Variants in CHD6 observed in about 807,000 individuals in gnomAD.
CHD6 encodes chromodomain helicase DNA binding protein 6, also known as ATP-dependent chromatin remodeler CHD6.
CHD6 carries 50 observed loss-of-function variants against 276.9 expected under a neutral mutation model. That is an observed-to-expected ratio of 0.18 (90% CI 0.14 to 0.23). The LOEUF (loss-of-function observed/expected upper bound fraction) is 0.23, where lower values mean the gene tolerates loss of function less well. CHD6 is among the 10% of genes least tolerant of loss of function. CHD6 has a pLI of 1.00. For synonymous variants in CHD6, 1,173 were observed against 1,229.3 expected (o/e 0.95, Z 0.96); for missense variants, 2,564 against 3,365.8 (o/e 0.76, Z 5.89).
intron 3 of CHD6, among the ~76,000 whole-genome samples, chr20:41,529,114 G>A (rs1020162733): frequency 6.6e-6 from 1 of 152,156 alleles, no homozygotes; most frequent in African/African-American, 2.4e-5. Context: ...CAACAATGGT[G>A]CTCACTAGTT....
At chr20:41,591,365 C>CATATATAT (rs761622140) in intron 1 of CHD6, among the ~76,000 whole-genome samples, 1 of 144,018 alleles carries the variant, frequency 6.9e-6, no homozygotes, top group African/African-American at 2.7e-5. Flanking sequence ...TATAATTTTA[C>CATATATAT]ATATATATAT....
chr20:41,613,809 C>T (rs2045911288), intron 1 of CHD6, among the ~76,000 whole-genome samples: 2 of 152,072 alleles, frequency 1.3e-5, no homozygotes, highest in African/African-American at 4.8e-5. Context: ...GGATTGTCCG[C>T]CTATAAAATA....
intron 2 of CHD6, among the ~76,000 whole-genome samples, chr20:41,542,635 G>A (rs1042779822): frequency 6.6e-5 from 10 of 152,072 alleles, no homozygotes; most frequent in African/African-American, 2.4e-4. Context: ...GGAGCTTGCA[G>A]GGAGCCGAGA....
chr20:41,420,954 G>A lies in CHD6; in HGVS notation c.5681C>T (p.Thr1894Met), dbSNP rs375183782. 19 of 1,614,062 alleles carry A rather than the reference G, an allele frequency of 1.2e-5. No individual in the cohort carries two copies. The Admixed American group carries it at 1.8e-4, about 16-fold the overall frequency. ...CCTTGAGATGTTAGTAGTGGGCTCCGTGAGATGCAATACCTCTGGCCTTTC... is the reference window on the plus strand; with the variant it reads ...CCTTGAGATGTTAGTAGTGGGCTCCATGAGATGCAATACCTCTGGCCTTTC... ...MGERPEVLHL[T>M]EPTTNISREK... Residue 1894 changes from threonine to methionine, a missense_variant, in exon 31 of 37, where the codon ACG becomes ATG. Thr to Met is a moderately conservative substitution (Grantham distance 81, BLOSUM62 -1). Coordinates refer to ENST00000373233, the MANE Select transcript of CHD6 (RefSeq NM_032221.5).
intron 1 of CHD6, among the ~76,000 whole-genome samples, chr20:41,574,253 T>A (rs973074647): frequency 1.3e-5 from 2 of 152,026 alleles, no homozygotes; most frequent in Non-Finnish European, 2.9e-5. Context: ...CAATAAAAAG[T>A]TTACCAAGGG....
intron 2 of CHD6, among the ~76,000 whole-genome samples, chr20:41,542,160 C>A (rs905650818): frequency 2.6e-5 from 4 of 152,176 alleles, no homozygotes; most frequent in East Asian, 1.9e-4. Flanking sequence ...GATGTTTGCT[C>A]CACCAACAAA....
intron 5 of CHD6, among the ~76,000 whole-genome samples, chr20:41,500,356 G>C (rs140587219): frequency 1.9e-3 from 295 of 152,170 alleles, no homozygotes; most frequent in African/African-American, 6.7e-3. Context: ...CTTTTCCCAG[G>C]AAAGTGATGA....
At chr20:41,509,860 T>A (rs567610922) in intron 5 of CHD6, among the ~76,000 whole-genome samples, 1 of 152,258 alleles carries the variant, frequency 6.6e-6, no homozygotes, top group Admixed American at 6.5e-5. Context: ...GGGATTGTGG[T>A]ATGGAGTGCA....
intron 13 of CHD6, 68 bp downstream of exon 13, chr20:41,488,360 C>T: frequency 2.2e-6 from 3 of 1,391,822 alleles, no homozygotes; most frequent in Non-Finnish European, 2.9e-6. Context: ...TGCAGAATGG[C>T]TAAAGAGTGT....
intron 3 of CHD6, 21 bp from the exon 4 acceptor site, chr20:41,514,973 T>G (rs1041895374): frequency 1.9e-6 from 3 of 1,612,838 alleles, no homozygotes; most frequent in Admixed American, 3.3e-5. Flanking sequence ...AAATTCAGAA[T>G]TAAAACTGTT....
At chr20:41,428,587 T>C (rs151082132) in intron 27 of CHD6, among the ~76,000 whole-genome samples, 7 of 152,314 alleles carry the variant, frequency 4.6e-5, no homozygotes, top group African/African-American at 1.7e-4. Context: ...AGTCCCATGA[T>C]CCACTGCTCT....
rs1367339600 is a variant in CHD6, at chr20:41,488,544, G to T, written c.1741C>A (p.Leu581Ile). Residue 581 changes from leucine (L) to isoleucine (I), a missense_variant, in exon 13 of 37, where the codon CTA (leucine) becomes ATA (isoleucine). Coordinates refer to ENST00000373233, the MANE Select transcript of CHD6 (RefSeq NM_032221.5). ...HVVITTFEMI[L>I]ADCPELKKIH... is the part of the protein sequence containing the mutation. Reference sequence around the variant, plus strand: ...TTCTTCAACTCTGGGCAGTCTGCTAGGATCATTTCAAATGTTGTGATGACG... The same window carrying T: ...TTCTTCAACTCTGGGCAGTCTGCTATGATCATTTCAAATGTTGTGATGACG... The T allele has an allele frequency of 3.1e-6, 5 of 1,613,804 alleles. No homozygotes were observed. Among genetic ancestry groups the T allele is most frequent in the Non-Finnish European group, 4.2e-6 (5 of 1,179,874 alleles).
intron 1 of CHD6, among the ~76,000 whole-genome samples, chr20:41,617,629 T>C (rs2045946143): frequency 6.6e-6 from 1 of 152,194 alleles, no homozygotes; most frequent in Non-Finnish European, 1.5e-5. Context: ...AGATCTTTTT[T>C]TAAAGCTCCA....
At chr20:41,436,761 A>C (rs866292698) in intron 27 of CHD6, among the ~76,000 whole-genome samples, 1 of 152,214 alleles carries the variant, frequency 6.6e-6, no homozygotes. Context: ...CAATCCCCAA[A>C]GTTTACATAC....
intron 3 of CHD6, among the ~76,000 whole-genome samples, chr20:41,526,993 T>C (rs1459068277): frequency 6.6e-6 from 1 of 152,190 alleles, no homozygotes; most frequent in East Asian, 1.9e-4. Context: ...GAGATCCAGG[T>C]AGATAGACCT....
chr20:41,562,044 C>G (rs1242753610), intron 1 of CHD6, among the ~76,000 whole-genome samples: 1 of 151,692 alleles, frequency 6.6e-6, no homozygotes, highest in Non-Finnish European at 1.5e-5. Flanking sequence ...TAATGGAACT[C>G]ATGTTACTAT....
At chr20:41,554,830 T>G (rs2045197986) in intron 1 of CHD6, among the ~76,000 whole-genome samples, 2 of 152,232 alleles carry the variant, frequency 1.3e-5, no homozygotes, top group African/African-American at 4.8e-5. Context: ...TTTCCCCACC[T>G]TTCCCCTCTT....
At chr20:41,597,175 T>TA (rs2045726435) in intron 1 of CHD6, among the ~76,000 whole-genome samples, 1 of 152,172 alleles carries the variant, frequency 6.6e-6, no homozygotes, top group Non-Finnish European at 1.5e-5. Flanking sequence ...TCATCCCACT[T>TA]ACGGCCTTTG....
intron 4 of CHD6, among the ~76,000 whole-genome samples, chr20:41,513,472 T>G (rs758902410): frequency 6.6e-6 from 1 of 152,216 alleles, no homozygotes; most frequent in African/African-American, 2.4e-5. Context: ...GTTTGAAAAC[T>G]AATTAGTATC....
Sources: allele counts gnomAD v4.1 joint callset (sites outside exome capture counted in the v4.1 genomes callset), GRCh38; gene constraint gnomAD v4.1.1; transcripts MANE v1.5; gene names NCBI Gene and HGNC (gene_info 2026-07-23, HGNC 2026-07-21).